Variants in CEP44 observed in about 807,000 individuals in gnomAD.
CEP44 encodes the protein centrosomal protein of 44 kDa.
Under a neutral mutation model 46.7 loss-of-function variants are expected in CEP44, and 45 were observed. The ratio of observed to expected loss-of-function variants is 0.96; its 90% CI spans 0.76 to 1.24. The LOEUF (loss-of-function observed/expected upper bound fraction) is 1.24. CEP44 is among the 50% of genes most tolerant of loss of function. The pLI is 0.00. For missense variants in CEP44, 475 were observed against 459.7 expected (o/e 1.03, Z -0.30); for synonymous variants, 142 against 146.0 (o/e 0.97, Z 0.20).
Position 174,326,253 on chromosome 4 carries a change from T to C in CEP44, c.1087-5229T>C, listed in dbSNP as rs1002725847. On this transcript the variant is annotated intron_variant, in intron 8 of 8. Transcript: ENST00000426172. This position sits in a 1 kb window ranked among gnomAD's most constrained non-coding sequence, Gnocchi z 4.8. ...GTGTGTGTGTCTGTGTGTGTGTCTG[T>C]GTGTTTGCTCCAAGATTTGTAGTAT... 6.6e-6 allele frequency among the ~76,000 whole-genome samples: 1 copy of C among 151,788 alleles called. No individual in the cohort carries two copies. The highest frequency in any genetic ancestry group is 2.4e-5 in the African/African-American group (1 of 41,382).
chr4:174,327,239 CGT>C (rs747796098), intron 8 of CEP44, among the ~76,000 whole-genome samples: 5 of 149,334 alleles, frequency 3.3e-5, no homozygotes, highest in African/African-American at 4.9e-5. Flanking sequence ...AAAAAACAAA[CGT>C]AATAAAATAT....
intron 8 of CEP44, among the ~76,000 whole-genome samples, chr4:174,327,165 G>GTA (rs1332128207): frequency 9.9e-4 from 142 of 143,338 alleles, no homozygotes; most frequent in Non-Finnish European, 6.6e-4. Flanking sequence ...GTGTGTGTGT[G>GTA]TATATATATG....
chr4:174,304,019 T>C (rs1740071193), intron 5 of CEP44, among the ~76,000 whole-genome samples, 170 bp downstream of exon 5: 1 of 152,212 alleles, frequency 6.6e-6, no homozygotes, highest in African/African-American at 2.4e-5. Flanking sequence ...TAAATACTAC[T>C]CTCTTGTTTT....
At chr4:174,299,413 G>C (rs544778996) in intron 3 of CEP44, among the ~76,000 whole-genome samples, 1 of 152,228 alleles carries the variant, frequency 6.6e-6, no homozygotes, top group East Asian at 1.9e-4. Context: ...CAACTTAAAA[G>C]ATTTAAAACT....
In CEP44 at chr4:174,309,846, T is replaced by C; in HGVS notation, c.679-4T>C. 6.3e-7 allele frequency: 1 copy of C among 1,578,748 alleles called. No homozygotes were observed. Among genetic ancestry groups the C allele is most frequent in the South Asian group, 1.1e-5 (1 of 89,216 alleles). On this transcript the variant is annotated splice_polypyrimidine_tract_variant and splice_region_variant and intron_variant, in intron 7 of 11. Transcript: ENST00000503780. This position sits in a 1 kb window ranked among gnomAD's most constrained non-coding sequence, Gnocchi z 5.3. The stretch of plus-strand genomic sequence containing the variant: ...TTTATTTTTAATCTCTCTAACCTTT[T>C]TAGGATGTAAATGTTAATCCTGAGA...
Position 174,286,853 on chromosome 4 carries a change from C to T in CEP44, c.-148+2910C>T, listed in dbSNP as rs765564476. 4.6e-5 allele frequency among the ~76,000 whole-genome samples: 7 copies of T among 152,178 alleles called. No individual in the cohort carries two copies. Among genetic ancestry groups the T allele is most frequent in the Non-Finnish European group, 8.8e-5 (6 of 68,018 alleles). On this transcript the variant is annotated intron_variant, in intron 1 of 11. Transcript: ENST00000503780. The surrounding 1 kb of genome is among the most constrained non-coding windows in gnomAD (Gnocchi z 5.2). ...TATGTGTTTTTCTGTTGTGTACATT[C>T]TTCAGAGTCATATTCCTGTTTCATA...
At position 174,318,207 on chromosome 4, in the gene CEP44, G is replaced by A. The variant is rs781467518; in HGVS notation, c.*824G>A. On this transcript the variant is annotated 3_prime_UTR_variant, in exon 12 of 12. Transcript: ENST00000503780. Reference sequence around the variant, plus strand: ...GCCTCCTGAGTAGCTGGGATTATAGGCATGCACCACCATGCCCAGCTAATT... The same window carrying A: ...GCCTCCTGAGTAGCTGGGATTATAGACATGCACCACCATGCCCAGCTAATT... 7.9e-6 allele frequency: 5 copies of A among 631,856 alleles called. No individual in the cohort carries two copies. Among genetic ancestry groups the A allele is most frequent in the African/African-American group, 4.0e-5 (2 of 50,138 alleles). 39.1% of individuals were successfully genotyped at this position (631,856 alleles called of 1,614,324 possible).
intron 6 of CEP44, among the ~76,000 whole-genome samples, chr4:174,305,322 C>T (rs1000849380): frequency 7.9e-5 from 12 of 152,068 alleles, no homozygotes; most frequent in Non-Finnish European, 1.3e-4. Flanking sequence ...GGCGTGGTAG[C>T]TGGTGCCTGT....
chr4:174,295,237 G>C (rs113039084), intron 1 of CEP44, among the ~76,000 whole-genome samples: 4,293 of 151,116 alleles, frequency 0.028, 73 homozygotes, highest in Middle Eastern at 0.059. Context: ...ATATGGGGCG[G>C]TTGCCAGGCG....
chr4:174,299,655 A>G (rs1186053461), intron 3 of CEP44, among the ~76,000 whole-genome samples: 2 of 152,144 alleles, frequency 1.3e-5, no homozygotes, highest in Non-Finnish European at 2.9e-5. Flanking sequence ...GATTTTATAC[A>G]TTTAAGTCGA....
chr4:174,304,299 T>C lies in CEP44; in HGVS notation c.437T>C (p.Leu146Ser), dbSNP rs1488038016. 10 of 1,611,612 alleles carry C rather than the reference T, an allele frequency of 6.2e-6. No individual in the cohort carries two copies. Among genetic ancestry groups the C allele is most frequent in the Non-Finnish European group, 8.5e-6 (10 of 1,179,404 alleles). ...KISSGKSEPP[L>S]GNEKISAEAV... is the part of the protein sequence containing the mutation. Reference sequence around the variant, plus strand: ...AGTTCTGGTAAGTCAGAACCTCCTTTGGGCAATGAGAAAATATCTGCAGAG... The same window carrying C: ...AGTTCTGGTAAGTCAGAACCTCCTTCGGGCAATGAGAAAATATCTGCAGAG... The change falls in exon 6 of 12, where the codon TTG (leucine) becomes TCG (serine). Residue 146 changes from leucine to serine, a missense_variant. Leu to Ser is a moderately radical substitution (Grantham distance 145, BLOSUM62 -2). Transcript: ENST00000503780.
At chr4:174,321,109 A>G (rs1180175591), downstream of CEP44, among the ~76,000 whole-genome samples, 2 of 152,144 alleles carry the variant, frequency 1.3e-5, no homozygotes, top group East Asian at 1.9e-4. Context: ...TAGAAGTGCA[A>G]AATCTCAAGC....
At position 174,303,254 on chromosome 4, in the gene CEP44, G is replaced by T. The variant is rs148011826; in HGVS notation, c.238-449G>T. On this transcript the variant is annotated intron_variant, in intron 4 of 11. Transcript: ENST00000503780. ...CACAGAGTAGATTTAGGAAACTACT[G>T]ATCTAGTGTGTTTTTTTTCATTTTA... Among the ~76,000 whole-genome samples, 1,425 of 150,748 alleles carry T rather than the reference G, an allele frequency of 9.5e-3. 6 individuals are homozygous for T. The highest frequency in any genetic ancestry group is 0.017 in the Middle Eastern group (5 of 292).
chr4:174,313,453 T>C (rs1741326961), intron 9 of CEP44, among the ~76,000 whole-genome samples: 1 of 150,952 alleles, frequency 6.6e-6, no homozygotes, highest in Admixed American at 6.6e-5. Context: ...GAAGGGTACA[T>C]GTGAGCACCT....
rs1459293722 is a variant in CEP44 at position 174,312,474 on chromosome 4, A to G, written c.961+1616A>G. On this transcript the variant is annotated intron_variant, in intron 9 of 11. Transcript: ENST00000503780. This position sits in a 1 kb window ranked among gnomAD's most constrained non-coding sequence, Gnocchi z 4.5. ...CCTGGATAATTTTTTATTTATTTAC[A>G]TACTGTTTTTAGTAAAACAAGGTCT... is the stretch of plus-strand genomic sequence containing the variant. Among the ~76,000 whole-genome samples, 3 of 151,878 alleles carry G rather than the reference A, an allele frequency of 2.0e-5. No homozygotes were observed. Among genetic ancestry groups the G allele is most frequent in the South Asian group, 2.1e-4 (1 of 4,820 alleles).
rs980391797 is a variant in CEP44, at chr4:174,311,113, A to T, written c.961+255A>T. ...TTAGAGATATTTTACTGTTTTAATC[A>T]TTCGAGAATAATCAAGTGCTCTAGG... On this transcript the variant is annotated intron_variant, in intron 9 of 11. Transcript: ENST00000503780. The surrounding 1 kb of genome is among the most constrained non-coding windows in gnomAD (Gnocchi z 4.4). 5.9e-5 allele frequency among the ~76,000 whole-genome samples: 9 copies of T among 152,044 alleles called. No homozygotes were observed. The highest frequency in any genetic ancestry group is 2.2e-4 in the African/African-American group (9 of 41,458).
chr4:174,324,366 G>A (rs942640838), downstream of CEP44, among the ~76,000 whole-genome samples: 1 of 152,152 alleles, frequency 6.6e-6, no homozygotes, highest in African/African-American at 2.4e-5. Flanking sequence ...TGGAACATGT[G>A]TCTCTGGACA....
intron 1 of CEP44, among the ~76,000 whole-genome samples, chr4:174,291,706 T>C (rs912019832): frequency 1.3e-5 from 2 of 151,862 alleles, no homozygotes; most frequent in Non-Finnish European, 2.9e-5. Flanking sequence ...TGTTAGGGCA[T>C]GTCTAAAAGT....
At chr4:174,332,333 G>A (rs1044426790) in exon 9 of CEP44, 1 of 152,142 alleles carries the variant, frequency 6.6e-6, no homozygotes, top group Non-Finnish European at 1.5e-5. Flanking sequence ...CAGTGGCAAT[G>A]GAAAGAAGGG....
Sources: gnomAD v4.1 joint callset for allele counts (sites outside exome capture counted in the v4.1 genomes callset) on GRCh38, gnomAD v4.1.1 for gene constraint, Gnocchi (gnomAD v3.1) non-coding constraint, MANE v1.5 for transcripts, NCBI Gene and HGNC (gene_info 2026-07-23, HGNC 2026-07-21) for gene names.